PCSK5: variants seen among roughly 807,000 people sequenced by gnomAD.
PCSK5 encodes the protein proprotein convertase subtilisin/kexin type 5, also known as prohormone convertase 5.
Under a neutral mutation model 233.2 loss-of-function variants are expected in PCSK5, and 129 were observed. The ratio of observed to expected loss-of-function variants is 0.55; its 90% confidence interval spans 0.48 to 0.64. PCSK5 has a LOEUF of 0.64. Ranked by LOEUF, PCSK5 falls within the 30% of genes least tolerant of loss-of-function variation. The pLI is 0.00. For synonymous variants in PCSK5, 825 were observed against 879.2 expected (o/e 0.94, Z 1.09); for missense variants, 2,076 against 2,430.1 (o/e 0.85, Z 3.06).
chr9:75,954,179 C>T (rs1303025485), intron 2 of PCSK5, among the ~76,000 whole-genome samples: 1 of 152,076 alleles, frequency 6.6e-6, no homozygotes, highest in East Asian at 1.9e-4. Context: ...TAGAAACAGG[C>T]CTATTTTTTC....
intron 3 of PCSK5, among the ~76,000 whole-genome samples, chr9:75,990,118 G>A (rs1255403090): frequency 1.3e-5 from 2 of 152,142 alleles, no homozygotes; most frequent in East Asian, 3.9e-4. Flanking sequence ...GCATTCTTGG[G>A]AGTATTGTTT....
At chr9:75,897,990 TGTTAGTTTAAACAGA>T (rs1367786075) in intron 1 of PCSK5, among the ~76,000 whole-genome samples, 1 of 152,200 alleles carries the variant, frequency 6.6e-6, no homozygotes, top group African/African-American at 2.4e-5. Flanking sequence ...ACTGGGAATT[TGTTAGTTTAAACAGA>T]TTCACATGCC....
intron 5 of PCSK5, among the ~76,000 whole-genome samples, chr9:76,043,904 G>GAT (rs113010291): frequency 0.19 from 29,401 of 151,890 alleles, 3,052 homozygotes; most frequent in Middle Eastern, 0.28. Context: ...AATTCCTTGA[G>GAT]ATTTGAATTT....
intron 12 of PCSK5, among the ~76,000 whole-genome samples, chr9:76,164,722 G>A (rs773369132): frequency 6.6e-6 from 1 of 152,162 alleles, no homozygotes; most frequent in African/African-American, 2.4e-5. Flanking sequence ...TATTACTTTT[G>A]TGTCATCAAA....
intron 20 of PCSK5, among the ~76,000 whole-genome samples, chr9:76,214,413 C>T (rs757958228): frequency 2.6e-5 from 4 of 151,996 alleles, no homozygotes; most frequent in Non-Finnish European, 5.9e-5. Context: ...CTCATCTCTA[C>T]TACTTTCTTG....
intron 22 of PCSK5, among the ~76,000 whole-genome samples, chr9:76,237,200 C>T (rs1826277291): frequency 6.6e-6 from 1 of 152,200 alleles, no homozygotes; most frequent in Admixed American, 6.5e-5. Flanking sequence ...TCAGAGATTC[C>T]AGGTTCCACC....
rs202243306 is a variant in PCSK5, at chr9:75,932,502, G to A, written c.297+19G>A. The A allele has an allele frequency of 5.2e-5, 75 of 1,433,168 alleles. No individual in the cohort carries two copies. The highest frequency in any genetic ancestry group is 2.7e-4 in the East Asian group (12 of 44,040). The allele number at this position is 1,433,168 out of a possible 1,614,324, so 88.8% of individuals were successfully genotyped here. A position where few individuals can be genotyped will look rare whatever the true frequency, so the allele number is the denominator to read the frequency against. On this transcript the variant is annotated intron_variant, in intron 2 of 37. Coordinates refer to ENST00000674117, the MANE Select transcript of PCSK5 (RefSeq NM_001372043.1). The stretch of plus-strand genomic sequence containing the variant: ...ACCAAAGGTAAGAAGAACCAGTTGC[G>A]TGGGGACCAAGAGGCAAAGCTTCTG...
Position 75,913,394 on chromosome 9 carries a change from T to C in PCSK5, c.193-18985T>C, listed in dbSNP as rs1328557740. On this transcript the variant is annotated intron_variant, in intron 1 of 37. Coordinates refer to ENST00000674117, the MANE Select transcript of PCSK5 (RefSeq NM_001372043.1). ...GGGATGATCTTTACATAGCCACACA[T>C]ATATGAGTATTTAAATATTTGTTGA... Among the ~76,000 whole-genome samples, 3 of 152,326 alleles carry C rather than the reference T, an allele frequency of 2.0e-5. No homozygotes were observed. The East Asian group carries it at 5.8e-4, about 29-fold the overall frequency.
intron 30 of PCSK5, among the ~76,000 whole-genome samples, chr9:76,317,759 G>A (rs1466187165): frequency 1.3e-5 from 2 of 152,164 alleles, no homozygotes; most frequent in African/African-American, 4.8e-5. Flanking sequence ...AAATGTGCCC[G>A]ATTGAACTTG....
chr9:75,999,134 A>G (rs1425714097), intron 3 of PCSK5, among the ~76,000 whole-genome samples: 1 of 152,128 alleles, frequency 6.6e-6, no homozygotes, highest in African/African-American at 2.4e-5. Flanking sequence ...ATAGGTATAC[A>G]TGTGCCATGG....
chr9:75,966,318 G>A (rs1172627128), intron 2 of PCSK5, among the ~76,000 whole-genome samples: 1 of 152,196 alleles, frequency 6.6e-6, no homozygotes, highest in African/African-American at 2.4e-5. Flanking sequence ...TTCTTGCAAT[G>A]GTGACTGTGA....
At chr9:76,109,382 C>T (rs762271205) in intron 9 of PCSK5, among the ~76,000 whole-genome samples, 3 of 151,648 alleles carry the variant, frequency 2.0e-5, no homozygotes, top group Admixed American at 1.3e-4. Flanking sequence ...ACTATTGCTT[C>T]GTAGAATTAG....
At chr9:76,020,135 T>C (rs1239859678) in intron 3 of PCSK5, among the ~76,000 whole-genome samples, 1 of 152,228 alleles carries the variant, frequency 6.6e-6, no homozygotes, top group African/African-American at 2.4e-5. Context: ...GGCAGAGACC[T>C]TCTCACCATG....
At chr9:75,911,208 T>G (rs936183644) in intron 1 of PCSK5, among the ~76,000 whole-genome samples, 11 of 122,906 alleles carry the variant, frequency 8.9e-5, no homozygotes, top group Admixed American at 1.6e-4. Flanking sequence ...TAGGTTTTTT[T>G]TTTTTTTTTT....
intron 17 of PCSK5, 64 bp downstream of exon 17, chr9:76,184,821 GA>G: frequency 1.0e-6 from 1 of 984,430 alleles, no homozygotes; most frequent in Non-Finnish European, 1.6e-6. Flanking sequence ...TAAATAAAAT[GA>G]AAAAATGATA....
intron 20 of PCSK5, chr9:76,193,205 C>T (rs768258554): frequency 7.5e-6 from 12 of 1,605,838 alleles, no homozygotes; most frequent in Middle Eastern, 1.7e-4. Flanking sequence ...TCGTCTTCAA[C>T]TCCCCTTCTC....
intron 15 of PCSK5, among the ~76,000 whole-genome samples, chr9:76,181,026 C>T (rs548371657): frequency 6.6e-5 from 10 of 152,082 alleles, no homozygotes; most frequent in Non-Finnish European, 1.5e-4. Flanking sequence ...AAACAACACA[C>T]GAAAATAGAA....
At chr9:76,256,073 G>A (rs918818025) in intron 24 of PCSK5, among the ~76,000 whole-genome samples, 3 of 152,160 alleles carry the variant, frequency 2.0e-5, no homozygotes, top group East Asian at 1.9e-4. Context: ...AGGTTGGTCT[G>A]CTGCATTTGT....
chr9:76,105,586 A>T (rs772089990), intron 8 of PCSK5, among the ~76,000 whole-genome samples: 1 of 152,236 alleles, frequency 6.6e-6, no homozygotes, highest in Non-Finnish European at 1.5e-5. Context: ...AAGCCCAGAC[A>T]GTTTCTTAAC....
Sources: allele counts gnomAD v4.1 joint callset (sites outside exome capture counted in the v4.1 genomes callset), GRCh38; gene constraint gnomAD v4.1.1; transcripts MANE v1.5; gene names NCBI Gene and HGNC (gene_info 2026-07-23, HGNC 2026-07-21).